The following GPR176 variants were observed in gnomAD, a reference collection of about 807,000 sequenced individuals.
The protein encoded by GPR176 is G protein-coupled receptor 176, also known as G-protein coupled receptor 176.
In GPR176, 26 loss-of-function variants were observed where a neutral mutation model predicts 35.4. That is an observed-to-expected ratio of 0.74 (90% confidence interval 0.54 to 1.02). GPR176 has a LOEUF of 1.02. Among genes scored for constraint, GPR176 ranks in the 50% least tolerant of loss-of-function variants. The probability of loss-of-function intolerance (pLI) is 0.00; values close to 1 mark genes in which losing one functional copy is unlikely to be tolerated. For missense variants in GPR176, 597 were observed against 665.3 expected (o/e 0.90, Z 1.13); for synonymous variants, 278 against 271.3 (o/e 1.02, Z -0.24).
intron 1 of GPR176, among the ~76,000 whole-genome samples, chr15:39,863,299 T>C (rs2031687064): frequency 6.6e-6 from 1 of 151,704 alleles, no homozygotes; most frequent in East Asian, 1.9e-4. Context: ...GCCAGGATAG[T>C]CTTGATCTCC....
chr15:39,837,008 G>A (rs1307764856), intron 1 of GPR176, among the ~76,000 whole-genome samples: 3 of 152,136 alleles, frequency 2.0e-5, no homozygotes, highest in Non-Finnish European at 4.4e-5. Flanking sequence ...AACTGAAGGT[G>A]CCGAAGAGGT....
intron 1 of GPR176, among the ~76,000 whole-genome samples, chr15:39,912,984 G>A (rs938099024): frequency 1.3e-5 from 2 of 152,134 alleles, no homozygotes; most frequent in Non-Finnish European, 2.9e-5. Context: ...GAAAACACAT[G>A]TCCACATAAA....
intron 1 of GPR176, among the ~76,000 whole-genome samples, chr15:39,871,016 A>G (rs2032022952): frequency 6.6e-6 from 1 of 152,094 alleles, no homozygotes; most frequent in African/African-American, 2.4e-5. Flanking sequence ...TGAGCAGAGG[A>G]CTCACCTTAC....
rs901873079 is a variant in GPR176, at chr15:39,806,915, C to T, written c.425+91G>A. 30 of 1,146,016 alleles carry T rather than the reference C, an allele frequency of 2.6e-5. No homozygotes were observed. In the East Asian group the frequency reaches 2.8e-4, roughly 11 times the overall value. 71.0% of individuals were successfully genotyped at this position (1,146,016 alleles called of 1,614,324 possible). The stretch of plus-strand genomic sequence containing the variant: ...CACAAGCTGACTAAAAAGCAGTATA[C>T]GGAACATTGACTACTCATCATTTGC... On this transcript the variant is annotated intron_variant, in intron 2 of 2. Transcript: ENST00000561100.
At chr15:39,897,428 T>TA in intron 1 of GPR176, among the ~76,000 whole-genome samples, 1 of 152,202 alleles carries the variant, frequency 6.6e-6, no homozygotes, top group Non-Finnish European at 1.5e-5. Context: ...GATTAAGACT[T>TA]ATCTCTCAAA....
rs554950142 is a variant in GPR176, at chr15:39,823,333, CT to C, written c.173-16076del. Among the ~76,000 whole-genome samples, 398 of 152,228 alleles carry C rather than the reference CT, an allele frequency of 2.6e-3. 1 individual carries two copies. Among genetic ancestry groups the C allele is most frequent in the African/African-American group, 9.3e-3 (387 of 41,546 alleles). On this transcript the variant is annotated intron_variant, in intron 1 of 2. Coordinates refer to ENST00000561100, the MANE Select transcript of GPR176 (RefSeq NM_007223.3). ...AACATGTCCAACCTAAGCATTTGAC[CT>C]TTCCCAAAACTCTTCCTCCTCCAAT...
intron 1 of GPR176, among the ~76,000 whole-genome samples, chr15:39,890,085 AT>A (rs1379079753): frequency 6.6e-6 from 1 of 152,162 alleles, no homozygotes; most frequent in Non-Finnish European, 1.5e-5. Flanking sequence ...CAATATGATG[AT>A]ATGAAAATAT....
intron 1 of GPR176, among the ~76,000 whole-genome samples, chr15:39,854,363 T>C (rs972053864): frequency 2.6e-5 from 4 of 152,316 alleles, no homozygotes; most frequent in South Asian, 2.1e-4. Context: ...ACCAAAATGG[T>C]GTCCAGGGCC....
rs201122190 is a variant in GPR176 at position 39,889,548 on chromosome 15, A to AAAAATAAAATAAAATAAAAT, written c.172+30287_172+30306dup. Among the ~76,000 whole-genome samples the AAAAATAAAATAAAATAAAAT allele has an allele frequency of 1.5e-3, 199 of 132,778 alleles. 2 individuals are homozygous for AAAAATAAAATAAAATAAAAT. The highest frequency in any genetic ancestry group is 3.1e-3 in the African/African-American group (105 of 34,092). The allele number at this position is 132,778 out of a possible 152,430, so 87.1% of individuals were successfully genotyped here. On this transcript the variant is annotated intron_variant, in intron 1 of 2. Transcript: ENST00000561100. The stretch of plus-strand genomic sequence containing the variant: ...GGCAATAACAGCAAAATTCCATCTC[A>AAAAATAAAATAAAATAAAAT]AAAATAAAATAAAATAAAATAAAAT...
At chr15:39,841,274 T>C (rs964375376) in intron 1 of GPR176, among the ~76,000 whole-genome samples, 1 of 152,160 alleles carries the variant, frequency 6.6e-6, no homozygotes, top group Non-Finnish European at 1.5e-5. Context: ...TGTGAGGCTC[T>C]ATGCTGAGCA....
At chr15:39,846,150 C>T (rs994058924) in intron 1 of GPR176, among the ~76,000 whole-genome samples, 1 of 152,092 alleles carries the variant, frequency 6.6e-6, no homozygotes, top group Non-Finnish European at 1.5e-5. Context: ...ACTAAGGTAC[C>T]ATTTAAAACT....
chr15:39,836,375 A>C (rs1901400157), intron 1 of GPR176, among the ~76,000 whole-genome samples: 1 of 152,092 alleles, frequency 6.6e-6, no homozygotes, highest in African/African-American at 2.4e-5. Flanking sequence ...AAAAGAGCCT[A>C]GCACCTCTGC....
chr15:39,902,151 A>G (rs2033298103), intron 1 of GPR176, among the ~76,000 whole-genome samples: 2 of 152,226 alleles, frequency 1.3e-5, no homozygotes, highest in African/African-American at 4.8e-5. Flanking sequence ...TCTGTTGGTG[A>G]AACTCAATAA....
chr15:39,861,937 A>G (rs984814028), intron 1 of GPR176: 3 of 152,220 alleles, frequency 2.0e-5, no homozygotes, highest in African/African-American at 7.2e-5. Flanking sequence ...ATACCCAAGT[A>G]CCACGGCTGA....
chr15:39,840,089 C>A (rs1280812551), intron 1 of GPR176, among the ~76,000 whole-genome samples: 1 of 152,152 alleles, frequency 6.6e-6, no homozygotes, highest in Non-Finnish European at 1.5e-5. Flanking sequence ...CCTCAAGGAT[C>A]TGGAACTAGA....
intron 1 of GPR176, among the ~76,000 whole-genome samples, chr15:39,893,791 C>CA (rs2032972480): frequency 7.3e-6 from 1 of 137,862 alleles, no homozygotes; most frequent in African/African-American, 2.7e-5. Context: ...CTGACCCCCC[C>CA]ACCTCCCTCC....
intron 1 of GPR176, chr15:39,813,557 G>GTCTTT (rs952410427): frequency 2.6e-4 from 39 of 152,226 alleles, no homozygotes; most frequent in African/African-American, 8.9e-4. Context: ...CGTATAATGT[G>GTCTTT]TCTTTTCTTT....
At chr15:39,850,911 G>A (rs2030820680) in intron 1 of GPR176, among the ~76,000 whole-genome samples, 1 of 152,008 alleles carries the variant, frequency 6.6e-6, no homozygotes, top group East Asian at 1.9e-4. Flanking sequence ...AGGAAAACAC[G>A]AAGTTATCCA....
intron 1 of GPR176, among the ~76,000 whole-genome samples, chr15:39,872,620 G>A (rs2032086289): frequency 6.6e-6 from 1 of 152,142 alleles, no homozygotes; most frequent in Non-Finnish European, 1.5e-5. Context: ...AGGTTTAATT[G>A]GCTCACAGTT....
Sources: allele counts gnomAD v4.1 joint callset (sites outside exome capture counted in the v4.1 genomes callset), GRCh38; gene constraint gnomAD v4.1.1; transcripts MANE v1.5; gene names NCBI Gene and HGNC (gene_info 2026-07-23, HGNC 2026-07-21).